Variants in KCMF1 observed in about 807,000 individuals in gnomAD.
KCMF1 encodes the protein E3 ubiquitin-protein ligase KCMF1.
Under a neutral mutation model 41.1 loss-of-function variants are expected in KCMF1, and 3 were observed. The ratio of observed to expected loss-of-function variants is 0.07; its 90% confidence interval spans 0.03 to 0.19. KCMF1 has a LOEUF of 0.19. KCMF1 is among the 10% of genes least tolerant of loss of function. KCMF1 has a pLI of 1.00. For missense variants in KCMF1, 286 were observed against 488.9 expected, an observed-to-expected ratio of 0.58 and a Z score of 3.91; for synonymous variants, 142 against 164.5, an observed-to-expected ratio of 0.86 and a Z score of 1.04.
At chr2:84,996,851 C>T (rs181125216) in intron 1 of KCMF1, among the ~76,000 whole-genome samples, 1 of 152,020 alleles carries the variant, frequency 6.6e-6, no homozygotes, top group Non-Finnish European at 1.5e-5. Context: ...AGAAATGCAT[C>T]GTTAGGTGAT....
Position 85,029,372 on chromosome 2 carries a change from C to T in KCMF1, c.184+1316C>T, listed in dbSNP as rs1442711166. On this transcript the variant is annotated intron_variant, in intron 2 of 6. Coordinates refer to ENST00000409785, the MANE Select transcript of KCMF1 (RefSeq NM_020122.5). ...TTAAGATGGTCAGATCACTTGAGCCCAGGAGTTTGAGATGAGCCTGGGCAA... is the reference window on the plus strand; with the variant it reads ...TTAAGATGGTCAGATCACTTGAGCCTAGGAGTTTGAGATGAGCCTGGGCAA... 2.0e-5 allele frequency among the ~76,000 whole-genome samples: 3 copies of T among 151,972 alleles called. No homozygotes were observed. The East Asian group carries it at 5.8e-4, about 30-fold the overall frequency.
intron 2 of KCMF1, among the ~76,000 whole-genome samples, chr2:85,034,339 C>G (rs1207242503): frequency 5.3e-5 from 8 of 152,166 alleles, no homozygotes; most frequent in African/African-American, 9.7e-5. Context: ...TTCTTTCCCT[C>G]TGAGCACATT....
chr2:84,994,673 G>A (rs1674134969), intron 1 of KCMF1, among the ~76,000 whole-genome samples: 1 of 152,106 alleles, frequency 6.6e-6, no homozygotes, highest in Non-Finnish European at 1.5e-5. Context: ...AAAGTGCTGG[G>A]ATTACAGGCA....
At chr2:85,020,025 C>T (rs1674891323) in intron 1 of KCMF1, among the ~76,000 whole-genome samples, 2 of 152,084 alleles carry the variant, frequency 1.3e-5, no homozygotes, top group Non-Finnish European at 2.9e-5. Flanking sequence ...AAGCCTGAGG[C>T]TACCACCCCC....
At chr2:85,035,967 C>T (rs1420498017) in intron 3 of KCMF1, among the ~76,000 whole-genome samples, 2 of 152,054 alleles carry the variant, frequency 1.3e-5, no homozygotes, top group African/African-American at 2.4e-5. Flanking sequence ...TAATTGAAAC[C>T]CAGAGAAATA....
chr2:85,046,019 A>G, intron 4 of KCMF1, 85 bp from the exon 5 acceptor site: 1 of 1,100,878 alleles, frequency 9.1e-7, no homozygotes, highest in East Asian at 2.6e-5. Flanking sequence ...AATTCAGGAA[A>G]TCTTTACATC....
intron 1 of KCMF1, among the ~76,000 whole-genome samples, chr2:85,007,303 T>G (rs1674497549): frequency 6.6e-6 from 1 of 152,196 alleles, no homozygotes; most frequent in South Asian, 2.1e-4. Context: ...AAGAGCAGTT[T>G]GCACTATTAG....
intron 1 of KCMF1, among the ~76,000 whole-genome samples, chr2:85,017,465 C>T: frequency 6.6e-6 from 1 of 152,100 alleles, no homozygotes; most frequent in Admixed American, 6.6e-5. Flanking sequence ...ATATGATACA[C>T]ACCGTTTTTT....
chr2:85,041,264 AAAG>A (rs1464671550), intron 3 of KCMF1, among the ~76,000 whole-genome samples: 1 of 152,234 alleles, frequency 6.6e-6, no homozygotes, highest in East Asian at 1.9e-4. Flanking sequence ...ATGAAATAAA[AAAG>A]ATTTTGAGTA....
At chr2:84,992,013 C>G in intron 1 of KCMF1, among the ~76,000 whole-genome samples, 1 of 152,168 alleles carries the variant, frequency 6.6e-6, no homozygotes, top group East Asian at 1.9e-4. Context: ...TTCCTGTTTA[C>G]TCTTAAGTTT....
rs923100836 is a variant in KCMF1 at position 85,023,235 on chromosome 2, T to A, written c.17-4654T>A. ...TTTCCTTTCACTCATCTGAGGCAGATGTTCTTACCGTTGCTGTGATTCATT... is the reference window on the plus strand; with the variant it reads ...TTTCCTTTCACTCATCTGAGGCAGAAGTTCTTACCGTTGCTGTGATTCATT... On this transcript the variant is annotated intron_variant, in intron 1 of 6. Coordinates refer to ENST00000409785, the MANE Select transcript of KCMF1 (RefSeq NM_020122.5). Among the ~76,000 whole-genome samples, 20 of 151,884 alleles carry A rather than the reference T, an allele frequency of 1.3e-4. 1 individual carries two copies. The Middle Eastern group carries it at 0.01, about 77-fold the overall frequency.
At chr2:85,008,335 A>AATATATC (rs370170870) in intron 1 of KCMF1, among the ~76,000 whole-genome samples, 3 of 14,986 alleles carry the variant, frequency 2.0e-4, no homozygotes, top group African/African-American at 3.2e-4. Flanking sequence ...TATAATATAT[A>AATATATC]ATATGATATA....
At chr2:85,000,025 A>G (rs1164775758) in intron 1 of KCMF1, among the ~76,000 whole-genome samples, 2 of 147,632 alleles carry the variant, frequency 1.4e-5, no homozygotes, top group Non-Finnish European at 3.0e-5. Context: ...TTCAGGGGAC[A>G]TTAAAAAAAA....
chr2:85,024,605 T>TGTGC (rs1553381219), intron 1 of KCMF1, among the ~76,000 whole-genome samples: 3 of 147,804 alleles, frequency 2.0e-5, no homozygotes, highest in Non-Finnish European at 4.6e-5. Flanking sequence ...TGTGTGTGTG[T>TGTGC]GCGCGTGTGT....
intron 1 of KCMF1, among the ~76,000 whole-genome samples, chr2:84,991,405 A>C (rs1559127576): frequency 1.3e-5 from 2 of 152,262 alleles, no homozygotes; most frequent in Non-Finnish European, 2.9e-5. Context: ...ATGAATATGA[A>C]TAAATACATG....
intron 1 of KCMF1, among the ~76,000 whole-genome samples, chr2:84,989,311 T>C (rs548601424): frequency 1.3e-5 from 2 of 152,198 alleles, no homozygotes; most frequent in Non-Finnish European, 2.9e-5. Flanking sequence ...GGTGAATTTA[T>C]AAAGGCATCT....
intron 1 of KCMF1, among the ~76,000 whole-genome samples, chr2:85,001,032 G>A (rs1348487747): frequency 2.0e-5 from 3 of 149,160 alleles, no homozygotes; most frequent in Non-Finnish European, 4.5e-5. Flanking sequence ...TCTCACTATT[G>A]CCCAGGCTGG....
chr2:84,979,522 TA>T (rs11406108), intron 1 of KCMF1, among the ~76,000 whole-genome samples: 147 of 141,666 alleles, frequency 1.0e-3, no homozygotes, highest in African/African-American at 3.3e-3. Context: ...AAATTCTGTC[TA>T]AAAAAAAAAA....
At chr2:84,986,294 G>C (rs545317556) in intron 1 of KCMF1, among the ~76,000 whole-genome samples, 23 of 152,270 alleles carry the variant, frequency 1.5e-4, no homozygotes, top group African/African-American at 4.6e-4. Context: ...AAAAGTGTCA[G>C]CTCATTTACT....
Sources: allele counts gnomAD v4.1 joint callset (sites outside exome capture counted in the v4.1 genomes callset), GRCh38; gene constraint gnomAD v4.1.1; transcripts MANE v1.5; gene names NCBI Gene and HGNC (gene_info 2026-07-23, HGNC 2026-07-21).